SGCZ: variants seen among roughly 807,000 people sequenced by gnomAD.
The protein encoded by SGCZ is sarcoglycan zeta.
In SGCZ, 40 loss-of-function variants were observed where a neutral mutation model predicts 41.3. The observed-to-expected ratio is 0.97, with a 90% CI of 0.75 to 1.26. The LOEUF (loss-of-function observed/expected upper bound fraction) is 1.26. Ranked by LOEUF, SGCZ falls within the 50% of genes most tolerant of loss-of-function variation. The probability of loss-of-function intolerance (pLI) is 0.00; values close to 1 mark genes in which losing one functional copy is unlikely to be tolerated. For synonymous variants in SGCZ, 206 were observed against 137.5 expected, an observed-to-expected ratio of 1.50 and a Z score of -3.49; for missense variants, 552 against 369.8, an observed-to-expected ratio of 1.49 and a Z score of -4.04.
At chr8:14,500,252 G>C (rs186287849) in intron 2 of SGCZ, among the ~76,000 whole-genome samples, 67 of 152,110 alleles carry the variant, frequency 4.4e-4, no homozygotes, top group Admixed American at 3.8e-3. Flanking sequence ...AATGTAGTTT[G>C]AGCACGTGGA....
At chr8:14,388,346 G>C (rs1403761444) in intron 2 of SGCZ, among the ~76,000 whole-genome samples, 1 of 152,028 alleles carries the variant, frequency 6.6e-6, no homozygotes, top group African/African-American at 2.4e-5. Flanking sequence ...CACACCCAGA[G>C]AAAAGAGAAT....
intron 1 of SGCZ, among the ~76,000 whole-genome samples, chr8:14,602,409 G>C (rs777374982): frequency 2.0e-5 from 3 of 151,980 alleles, no homozygotes; most frequent in Non-Finnish European, 4.4e-5. Context: ...GTAATTGGGA[G>C]GCCGAGGTGG....
At chr8:14,484,318 G>T (rs1162547298) in intron 2 of SGCZ, among the ~76,000 whole-genome samples, 1 of 152,120 alleles carries the variant, frequency 6.6e-6, no homozygotes, top group African/African-American at 2.4e-5. Context: ...GGTAAGAAGA[G>T]AGCTAAGTGC....
chr8:14,460,461 C>A (rs1286699467), intron 2 of SGCZ, among the ~76,000 whole-genome samples: 2 of 152,104 alleles, frequency 1.3e-5, no homozygotes, highest in Admixed American at 1.3e-4. Context: ...GGTGTCAGTG[C>A]TCACTTGCAG....
chr8:14,437,405 C>A (rs902105243), intron 2 of SGCZ, among the ~76,000 whole-genome samples: 1 of 152,104 alleles, frequency 6.6e-6, no homozygotes, highest in Non-Finnish European at 1.5e-5. Context: ...TCAAACACTT[C>A]AAACAAAACA....
intron 5 of SGCZ, among the ~76,000 whole-genome samples, chr8:14,108,811 T>C (rs1288987327): frequency 6.6e-6 from 1 of 152,176 alleles, no homozygotes; most frequent in Non-Finnish European, 1.5e-5. Flanking sequence ...TAAAATTAAA[T>C]TATTTATAAA....
rs1563153080 is a variant in SGCZ at position 14,146,883 on chromosome 8, AT to A, written c.547+17696del. Among the ~76,000 whole-genome samples, 26 of 144,834 alleles carry A rather than the reference AT, an allele frequency of 1.8e-4. 1 individual carries two copies. Among genetic ancestry groups the A allele is most frequent in the Middle Eastern group, 3.5e-3 (1 of 282 alleles). ...CGAGACTCCGTCTCAAAAAATAAAA[AT>A]AAAAAAAATAATAATAATAATAACT... On this transcript the variant is annotated intron_variant, in intron 5 of 7. Coordinates refer to ENST00000382080, the MANE Select transcript of SGCZ (RefSeq NM_139167.4).
intron 1 of SGCZ, among the ~76,000 whole-genome samples, chr8:14,764,330 T>C (rs532685414): frequency 6.2e-4 from 94 of 152,314 alleles, no homozygotes; most frequent in Admixed American, 1.7e-3. Context: ...TCTTAAAGCA[T>C]TGTTCTAGAA....
At chr8:14,460,492 C>T (rs1257148379) in intron 2 of SGCZ, among the ~76,000 whole-genome samples, 8 of 152,036 alleles carry the variant, frequency 5.3e-5, no homozygotes, top group Non-Finnish European at 1.2e-4. Flanking sequence ...GGCAGTGGGA[C>T]GATTTGTGGT....
intron 3 of SGCZ, among the ~76,000 whole-genome samples, chr8:14,297,175 G>A (rs1265004551): frequency 1.3e-5 from 2 of 151,892 alleles, no homozygotes; most frequent in Admixed American, 6.6e-5. Context: ...CGCCCACCTC[G>A]GCCTCCAAAA....
chr8:14,471,242 A>ATGTT (rs1343697741), intron 2 of SGCZ, among the ~76,000 whole-genome samples: 14 of 152,280 alleles, frequency 9.2e-5, no homozygotes, highest in African/African-American at 3.1e-4. Flanking sequence ...TCATTGTAGA[A>ATGTT]TGTTATTGTT....
At chr8:14,244,241 T>C (rs548099345) in intron 3 of SGCZ, among the ~76,000 whole-genome samples, 5 of 151,996 alleles carry the variant, frequency 3.3e-5, no homozygotes, top group African/African-American at 1.2e-4. Flanking sequence ...CTCTTCCTTC[T>C]TCCTCCTCCT....
intron 1 of SGCZ, among the ~76,000 whole-genome samples, chr8:14,756,843 C>T (rs1799684768): frequency 6.6e-6 from 1 of 152,078 alleles, no homozygotes; most frequent in Admixed American, 6.6e-5. Context: ...TGAAATCTCA[C>T]AAGTTATGAA....
At chr8:14,208,282 C>A (rs1164447695) in intron 4 of SGCZ, among the ~76,000 whole-genome samples, 1 of 152,108 alleles carries the variant, frequency 6.6e-6, no homozygotes, top group Non-Finnish European at 1.5e-5. Flanking sequence ...GGATTAACAT[C>A]TGAAACTGTG....
intron 5 of SGCZ, among the ~76,000 whole-genome samples, chr8:14,155,761 G>A (rs1006848647): frequency 2.0e-5 from 3 of 151,424 alleles, no homozygotes; most frequent in African/African-American, 7.3e-5. Flanking sequence ...GTCATGTGTT[G>A]CTTAACAGAG....
At chr8:14,630,085 T>A (rs1468844268) in intron 1 of SGCZ, among the ~76,000 whole-genome samples, 1 of 152,130 alleles carries the variant, frequency 6.6e-6, no homozygotes, top group Non-Finnish European at 1.5e-5. Flanking sequence ...TGAGGAAGGT[T>A]TTCCTTAAGC....
chr8:14,206,514 TA>T (rs1321786006), intron 4 of SGCZ, among the ~76,000 whole-genome samples: 1 of 152,280 alleles, frequency 6.6e-6, no homozygotes, highest in East Asian at 1.9e-4. Flanking sequence ...AGGAGAGTTA[TA>T]AAACATTTGA....
At chr8:15,186,497 T>G (rs572791929) in intron 1 of SGCZ, among the ~76,000 whole-genome samples, 8 of 152,230 alleles carry the variant, frequency 5.3e-5, no homozygotes, top group Admixed American at 2.6e-4. Context: ...TTTCAAAGAA[T>G]GGTGAACACA....
Position 14,165,945 on chromosome 8 carries a change from C to T in SGCZ, c.425-1243G>A, listed in dbSNP as rs1436209366. 2.0e-5 allele frequency among the ~76,000 whole-genome samples: 3 copies of T among 152,260 alleles called. No homozygotes were observed. The East Asian group carries it at 5.8e-4, about 29-fold the overall frequency. On this transcript the variant is annotated intron_variant, in intron 4 of 7. Coordinates refer to ENST00000382080, the MANE Select transcript of SGCZ (RefSeq NM_139167.4). ...ACTACTCCCAGTGCTAGCCAATAGG[C>T]TGCAAAAACTTACTCCTCCCCATCA...
Sources: gnomAD v4.1 joint callset for allele counts (sites outside exome capture counted in the v4.1 genomes callset) on GRCh38, gnomAD v4.1.1 for gene constraint, MANE v1.5 for transcripts, NCBI Gene and HGNC (gene_info 2026-07-23, HGNC 2026-07-21) for gene names.